RAB3GAP2: variants seen among roughly 807,000 people sequenced by gnomAD.
RAB3GAP2 encodes rab3 GTPase-activating protein non-catalytic subunit.
A neutral mutation model predicts 185.3 loss-of-function variants in RAB3GAP2; 87 were observed. The ratio of observed to expected loss-of-function variants is 0.47; its 90% CI spans 0.39 to 0.56. RAB3GAP2 has a LOEUF of 0.56. Among genes scored for constraint, RAB3GAP2 ranks in the 20% least tolerant of loss-of-function variants. The pLI is 0.00. For synonymous variants in RAB3GAP2, 554 were observed against 576.1 expected, an observed-to-expected ratio of 0.96 and a Z score of 0.55; for missense variants, 1,492 against 1,638.2, an observed-to-expected ratio of 0.91 and a Z score of 1.54.
At position 220,150,693 on chromosome 1, in the gene RAB3GAP2, G is replaced by A. The variant is rs898248883; in HGVS notation, c.*558C>T. 4 of 154,360 alleles carry A rather than the reference G, an allele frequency of 2.6e-5. No homozygotes were observed. Among genetic ancestry groups the A allele is most frequent in the Non-Finnish European group, 5.8e-5 (4 of 69,554 alleles). 9.6% of individuals were successfully genotyped at this position (154,360 alleles called of 1,614,324 possible). On this transcript the variant is annotated 3_prime_UTR_variant, in exon 35 of 35. Transcript: ENST00000358951. ...AACCCATTCTTCCTCCTCAAGCACG[G>A]TCATCCTCCTCTGATGGCAACAGCA... is the stretch of plus-strand genomic sequence containing the variant.
intron 17 of RAB3GAP2, 123 bp from the exon 18 acceptor site, chr1:220,185,864 G>T: frequency 1.4e-6 from 1 of 713,014 alleles, no homozygotes. Context: ...TATTTAAGAT[G>T]TTTTAGTGTA....
At chr1:220,213,713 G>T in intron 3 of RAB3GAP2, 143 bp downstream of exon 3, 1 of 735,414 alleles carries the variant, frequency 1.4e-6, no homozygotes, top group Non-Finnish European at 2.1e-6. Context: ...GGGAGGGAGG[G>T]AGGGGGCGGA....
chr1:220,183,357 T>C (rs1310050461), intron 19 of RAB3GAP2, among the ~76,000 whole-genome samples: 2 of 151,808 alleles, frequency 1.3e-5, no homozygotes, highest in African/African-American at 4.8e-5. Context: ...CAAGCAATCC[T>C]CCTGCCTCAG....
At chr1:220,270,771 CTTCAACA>C (rs1413901450) in intron 1 of RAB3GAP2, among the ~76,000 whole-genome samples, 2 of 152,218 alleles carry the variant, frequency 1.3e-5, no homozygotes, top group African/African-American at 4.8e-5. Flanking sequence ...CATTACAGGT[CTTCAACA>C]AATGTTGTTG....
At position 220,153,353 on chromosome 1, in the gene RAB3GAP2, C is replaced by T; in HGVS notation, c.3699G>A (p.Lys1233=). 2 of 1,614,140 alleles carry T rather than the reference C, an allele frequency of 1.2e-6. No individual in the cohort carries two copies. The highest frequency in any genetic ancestry group is 1.7e-6 in the Non-Finnish European group (2 of 1,180,016). ...AAVQAQHSAT[K]VKDPTEEATP... is the part of the protein sequence containing the mutation. ...TGGCCTCTTCTGTGGGATCTTTGAC[C>T]TTTGTGGCTGAATGTTGGGCCTGGA... Residue 1233 remains lysine (K), a synonymous_variant, in exon 33 of 35, where the codon AAG becomes AAA. Coordinates refer to ENST00000358951, the MANE Select transcript of RAB3GAP2 (RefSeq NM_012414.4).
At chr1:220,214,164 T>A (rs1452153576) in intron 2 of RAB3GAP2, among the ~76,000 whole-genome samples, 185 bp from the exon 3 acceptor site, 1 of 152,204 alleles carries the variant, frequency 6.6e-6, no homozygotes, top group Non-Finnish European at 1.5e-5. Context: ...ATACCCACTA[T>A]AAACAAATCT....
intron 30 of RAB3GAP2, 91 bp from the exon 31 acceptor site, chr1:220,157,579 AATTC>A: frequency 1.5e-6 from 2 of 1,303,252 alleles, no homozygotes; most frequent in Non-Finnish European, 2.2e-6. Flanking sequence ...GCAAAGTGCA[AATTC>A]ATATTGCACA....
At chr1:220,257,480 G>A (rs1660053409) in intron 1 of RAB3GAP2, among the ~76,000 whole-genome samples, 1 of 151,948 alleles carries the variant, frequency 6.6e-6, no homozygotes, top group Non-Finnish European at 1.5e-5. Flanking sequence ...TGACTTTTGG[G>A]TAAACAATGA....
intron 1 of RAB3GAP2, chr1:220,267,264 G>T: frequency 1.1e-6 from 1 of 907,996 alleles, no homozygotes; most frequent in Non-Finnish European, 1.9e-6. Flanking sequence ...GTTCTGTATT[G>T]ACTGTTTCAA....
At chr1:220,252,441 T>C (rs1398370212) in intron 1 of RAB3GAP2, among the ~76,000 whole-genome samples, 2 of 152,086 alleles carry the variant, frequency 1.3e-5, no homozygotes, top group Non-Finnish European at 2.9e-5. Context: ...GTGGAGCTTA[T>C]GGAGAGAAAT....
At chr1:220,170,280 T>G (rs533722219) in intron 24 of RAB3GAP2, among the ~76,000 whole-genome samples, 5 of 152,046 alleles carry the variant, frequency 3.3e-5, no homozygotes, top group African/African-American at 4.8e-5. Flanking sequence ...ATTGCGGGGC[T>G]AGGGAAGGGA....
At chr1:220,153,490 G>T in intron 32 of RAB3GAP2, 84 bp from the exon 33 acceptor site, 1 of 1,229,880 alleles carries the variant, frequency 8.1e-7, no homozygotes, top group Non-Finnish European at 1.2e-6. Context: ...TAGCTTTTCT[G>T]TCACTTATAG....
intron 1 of RAB3GAP2, among the ~76,000 whole-genome samples, chr1:220,269,578 C>T (rs970076182): frequency 6.6e-6 from 1 of 152,052 alleles, no homozygotes. Flanking sequence ...AAACATTAGC[C>T]GGGCATGGTG....
intron 1 of RAB3GAP2, among the ~76,000 whole-genome samples, chr1:220,264,847 CCATAT>C (rs1660201948): frequency 6.6e-6 from 1 of 152,256 alleles, no homozygotes; most frequent in East Asian, 1.9e-4. Context: ...CCATCATGTG[CCATAT>C]CATAGCATAA....
chr1:220,218,308 G>A (rs1272971685), intron 2 of RAB3GAP2, among the ~76,000 whole-genome samples: 1 of 152,012 alleles, frequency 6.6e-6, no homozygotes, highest in Non-Finnish European at 1.5e-5. Context: ...GTTTGCCATG[G>A]TAAAGTTGGA....
chr1:220,157,703 AAAAC>A, intron 30 of RAB3GAP2, 95 bp downstream of exon 30: 1 of 1,190,840 alleles, frequency 8.4e-7, no homozygotes, highest in Non-Finnish European at 1.2e-6. Flanking sequence ...GAATGAATGA[AAAAC>A]AACCTCATTA....
intron 2 of RAB3GAP2, among the ~76,000 whole-genome samples, 183 bp from the exon 3 acceptor site, chr1:220,214,162 T>C (rs367824283): frequency 6.6e-6 from 1 of 152,176 alleles, no homozygotes; most frequent in East Asian, 1.9e-4. Flanking sequence ...AAATACCCAC[T>C]ATAAACAAAT....
intron 8 of RAB3GAP2, 134 bp from the exon 9 acceptor site, chr1:220,202,508 A>C: frequency 1.1e-6 from 1 of 895,178 alleles, no homozygotes; most frequent in Non-Finnish European, 1.7e-6. Flanking sequence ...AAAACAAGGC[A>C]TAAGGTGAGA....
At chr1:220,181,501 C>T (rs1658403911) in intron 21 of RAB3GAP2, among the ~76,000 whole-genome samples, 1 of 151,856 alleles carries the variant, frequency 6.6e-6, no homozygotes, top group Non-Finnish European at 1.5e-5. Flanking sequence ...GTTGTATTTC[C>T]TCCTTGGATG....
Sources: allele counts gnomAD v4.1 joint callset (sites outside exome capture counted in the v4.1 genomes callset), GRCh38; gene constraint gnomAD v4.1.1; transcripts MANE v1.5; gene names NCBI Gene and HGNC (gene_info 2026-07-23, HGNC 2026-07-21).